Variants in FADS2 observed in about 807,000 individuals in gnomAD.
FADS2 encodes acyl-CoA 6-desaturase.
In FADS2, 18 loss-of-function variants were observed where a neutral mutation model predicts 61.2. The ratio of observed to expected loss-of-function variants is 0.29; its 90% CI spans 0.20 to 0.44. The LOEUF is 0.44. Among genes scored for constraint, FADS2 ranks in the 20% least tolerant of loss-of-function variants. The pLI is 1.00. For synonymous variants in FADS2, 203 were observed against 223.9 expected, an observed-to-expected ratio of 0.91 and a Z score of 0.83; for missense variants, 322 against 572.7, an observed-to-expected ratio of 0.56 and a Z score of 4.47.
At chr11:61,828,242 G>A (rs1344375706), upstream of FADS2, 3 of 1,436,440 alleles carry the variant, frequency 2.1e-6, no homozygotes, top group African/African-American at 2.9e-5. This position sits in a 1 kb window ranked among gnomAD's most constrained non-coding sequence, Gnocchi z 6.4. Flanking sequence ...GGCTGGGGGA[G>A]GGGGCGCGGT....
upstream of FADS2, among the ~76,000 whole-genome samples, chr11:61,826,688 A>G (rs1305059624): frequency 6.6e-6 from 1 of 152,114 alleles, no homozygotes; most frequent in Non-Finnish European, 1.5e-5. Flanking sequence ...TTATGTCTGC[A>G]GTCTGTGGAG....
In FADS2 at chr11:61,816,669, C is replaced by T; in HGVS notation, c.141+243C>T. 1 of 1,595,844 alleles carries T rather than the reference C, an allele frequency of 6.3e-7. No homozygotes were observed. Among genetic ancestry groups the T allele is most frequent in the Non-Finnish European group, 8.5e-7 (1 of 1,171,990 alleles). On this transcript the variant is annotated intron_variant, in intron 1 of 11. Transcript: ENST00000257261. The surrounding 1 kb of genome is among the most constrained non-coding windows in gnomAD (Gnocchi z 7.0). ...CGATCACTAGCCACCGCTCCTCGCA[C>T]CCTGAGCGCTGGGCCACCTCGTCCC...
Position 61,861,365 on chromosome 11 carries a change from A to AAAAAAAC in FADS2, c.883-1605_883-1599dup, listed in dbSNP as rs1555078421. Among the ~76,000 whole-genome samples, 63 of 130,832 alleles carry AAAAAAAC rather than the reference A, an allele frequency of 4.8e-4. 2 individuals are homozygous for AAAAAAAC. The highest frequency in any genetic ancestry group is 3.8e-3 in the Middle Eastern group (1 of 264). The allele number at this position is 130,832 out of a possible 152,430, so 85.8% of individuals were successfully genotyped here. The stretch of plus-strand genomic sequence containing the variant: ...CGAGACTCCCTCTCAAAAAAAAAAA[A>AAAAAAAC]AAAAAACAGAAATTAGCTACTCGGG... On this transcript the variant is annotated intron_variant, in intron 7 of 11. Coordinates refer to ENST00000278840, the MANE Select transcript of FADS2 (RefSeq NM_004265.4).
chr11:61,861,340 C>G (rs1215579811), intron 7 of FADS2, among the ~76,000 whole-genome samples: 1 of 56,678 alleles, frequency 1.8e-5, no homozygotes, highest in South Asian at 7.3e-4. Context: ...GGCGACAGAG[C>G]GAGACTCCCT....
At chr11:61,864,962 G>T (rs955012127) in intron 10 of FADS2, among the ~76,000 whole-genome samples, 190 bp from the exon 11 acceptor site, 1 of 151,958 alleles carries the variant, frequency 6.6e-6, no homozygotes, top group Non-Finnish European at 1.5e-5. Flanking sequence ...GCTCACGGAG[G>T]GCTGCACCCT....
chr11:61,851,091 T>C (rs1213213780), intron 5 of FADS2, among the ~76,000 whole-genome samples: 2 of 152,220 alleles, frequency 1.3e-5, no homozygotes, highest in Admixed American at 1.3e-4. Context: ...TTGTTATTCT[T>C]CTAGGAAACA....
chr11:61,857,083 G>A lies in FADS2; in HGVS notation c.805+12G>A. 1 of 1,612,798 alleles carries A rather than the reference G, an allele frequency of 6.2e-7. No individual in the cohort carries two copies. Among genetic ancestry groups the A allele is most frequent in the Non-Finnish European group, 8.5e-7 (1 of 1,178,922 alleles). On this transcript the variant is annotated intron_variant, in intron 6 of 11. Transcript: ENST00000278840. ...ATACTTCTTCCTGAGTGAGTGCTCG[G>A]CGCCCCGAAATCACTCTGGGACCCT...
intron 4 of FADS2, among the ~76,000 whole-genome samples, chr11:61,841,956 A>T (rs766102428): frequency 3.3e-5 from 5 of 152,222 alleles, no homozygotes; most frequent in Non-Finnish European, 5.9e-5. Flanking sequence ...TGGAATTGCC[A>T]ACTGCCTTGT....
chr11:61,860,132 C>T (rs2067400560), intron 7 of FADS2, among the ~76,000 whole-genome samples: 3 of 152,138 alleles, frequency 2.0e-5, no homozygotes, highest in Admixed American at 1.3e-4. Context: ...TGCCCTTTGG[C>T]AGTATCCGGA....
chr11:61,848,209 G>A lies in FADS2; in HGVS notation c.669G>A (p.Lys223=). 2 of 1,614,220 alleles carry A rather than the reference G, an allele frequency of 1.2e-6. No homozygotes were observed. The highest frequency in any genetic ancestry group is 1.7e-6 in the Non-Finnish European group (2 of 1,180,046). The change falls in exon 5 of 12, where the codon AAG becomes AAA. Residue 223 remains lysine (K), a synonymous_variant. Coordinates refer to ENST00000278840, the MANE Select transcript of FADS2 (RefSeq NM_004265.4). ...ATCGCCACTTCCAGCACCACGCCAA[G>A]CCTAACATCTTCCACAAGGATCCCG... ...WNHRHFQHHA[K]PNIFHKDPDV... is the part of the protein sequence containing the mutation.
intron 4 of FADS2, among the ~76,000 whole-genome samples, chr11:61,842,787 C>T (rs187859636): frequency 5.3e-4 from 80 of 152,340 alleles, no homozygotes; most frequent in African/African-American, 1.8e-3. Context: ...CTCTAGCACT[C>T]GGCAGGTGCA....
chr11:61,819,439 G>A (rs1050709463), intron 1 of FADS2, among the ~76,000 whole-genome samples: 3 of 152,168 alleles, frequency 2.0e-5, no homozygotes, highest in South Asian at 2.1e-4. Context: ...CCAGCTACTC[G>A]GGAGGCTGAG....
intron 9 of FADS2, 26 bp downstream of exon 9, chr11:61,863,404 G>C (rs762341097): frequency 6.5e-7 from 1 of 1,530,808 alleles, no homozygotes; most frequent in South Asian, 1.1e-5. Context: ...CCGGTCACCA[G>C]AGCCTGGTCC....
intron 1 of FADS2, among the ~76,000 whole-genome samples, chr11:61,834,788 A>G (rs994656811): frequency 2.6e-5 from 4 of 152,070 alleles, no homozygotes; most frequent in African/African-American, 9.7e-5. Context: ...GGACCAATGA[A>G]GGGGCTTTTT....
upstream of FADS2, among the ~76,000 whole-genome samples, chr11:61,825,041 A>C (rs1399184137): frequency 6.6e-6 from 1 of 151,974 alleles, no homozygotes; most frequent in East Asian, 2.0e-4. Context: ...AAATACAAAA[A>C]TTATCTGGGC....
rs757254656 is a variant in FADS2 at position 61,857,001 on chromosome 11, C to T, written c.745-10C>T. Reference sequence around the variant, plus strand: ...CTACTGGGTGCTCATGATCTCTCCTCTCTCCTCAGTACGGCAAGAAGAAGC... The same window carrying T: ...CTACTGGGTGCTCATGATCTCTCCTTTCTCCTCAGTACGGCAAGAAGAAGC... On this transcript the variant is annotated splice_polypyrimidine_tract_variant and intron_variant, in intron 5 of 11. Coordinates refer to ENST00000278840, the MANE Select transcript of FADS2 (RefSeq NM_004265.4). 97 of 1,612,696 alleles carry T rather than the reference C, an allele frequency of 6.0e-5. No homozygotes were observed. Among genetic ancestry groups the T allele is most frequent in the Middle Eastern group, 3.3e-4 (2 of 6,082 alleles).
At chr11:61,863,824 G>A in intron 10 of FADS2, 38 bp downstream of exon 10, 4 of 1,544,634 alleles carry the variant, frequency 2.6e-6, no homozygotes, top group Non-Finnish European at 3.6e-6. Context: ...GAGACCCACA[G>A]CGGGAGGGAA....
chr11:61,859,651 C>T (rs907062558), intron 7 of FADS2, among the ~76,000 whole-genome samples: 1 of 152,202 alleles, frequency 6.6e-6, no homozygotes, highest in Admixed American at 6.5e-5. Context: ...ATACATGTTA[C>T]ACCCTCTCCT....
intron 7 of FADS2, among the ~76,000 whole-genome samples, chr11:61,861,384 A>C: frequency 6.8e-6 from 1 of 148,114 alleles, no homozygotes; most frequent in African/African-American, 2.5e-5. Flanking sequence ...GAAATTAGCT[A>C]CTCGGGAGGC....
Sources: allele counts gnomAD v4.1 joint callset (sites outside exome capture counted in the v4.1 genomes callset), GRCh38; gene constraint gnomAD v4.1.1; non-coding constraint Gnocchi (gnomAD v3.1); transcripts MANE v1.5; gene names NCBI Gene and HGNC (gene_info 2026-07-23, HGNC 2026-07-21).